ONECUT1: variants seen among roughly 807,000 people sequenced by gnomAD.
ONECUT1 encodes one cut homeobox 1, also known as hepatocyte nuclear factor 6.
ONECUT1 carries 12 observed loss-of-function variants against 25.6 expected under a neutral mutation model. The ratio of observed to expected loss-of-function variants is 0.47; its 90% CI spans 0.30 to 0.76. The LOEUF is 0.76. ONECUT1 is among the 30% of genes least tolerant of loss of function. ONECUT1 has a pLI of 0.07. For synonymous variants in ONECUT1, 285 were observed against 270.2 expected (o/e 1.05, Z -0.54); for missense variants, 620 against 651.2 (o/e 0.95, Z 0.52).
chr15:52,776,505 G>T (rs1056519498), intron 1 of ONECUT1, among the ~76,000 whole-genome samples: 2 of 152,090 alleles, frequency 1.3e-5, no homozygotes, highest in African/African-American at 4.8e-5. Flanking sequence ...AGTCCCTTGC[G>T]ACTTTTCCTC....
At chr15:52,770,319 A>G (rs1013404163) in intron 1 of ONECUT1, among the ~76,000 whole-genome samples, 1 of 152,230 alleles carries the variant, frequency 6.6e-6, no homozygotes, top group East Asian at 1.9e-4. Flanking sequence ...GATTTTTGAA[A>G]GCTCCCTCGG....
In ONECUT1 at chr15:52,788,590, T is replaced by A. The variant is rs1178068781; in HGVS notation, c.1105+190A>T. Reference sequence around the variant, plus strand: ...CGGAGCCTTCCACAGCCCAACACCCTGAGCCCTGGAGTAGGCAATTTGCTC... The same window carrying A: ...CGGAGCCTTCCACAGCCCAACACCCAGAGCCCTGGAGTAGGCAATTTGCTC... On this transcript the variant is annotated intron_variant, in intron 1 of 1. Transcript: ENST00000305901. The surrounding 1 kb of genome is among the most constrained non-coding windows in gnomAD (Gnocchi z 4.3). The A allele has an allele frequency of 2.4e-5, 15 of 614,430 alleles. No individual in the cohort carries two copies. Among genetic ancestry groups the A allele is most frequent in the East Asian group, 5.7e-5 (2 of 34,880 alleles). The allele number at this position is 614,430 out of a possible 1,614,324, so 38.1% of individuals were successfully genotyped here.
chr15:52,785,628 T>A (rs80151872), intron 1 of ONECUT1: 3 of 152,168 alleles, frequency 2.0e-5, no homozygotes, highest in African/African-American at 7.2e-5. Flanking sequence ...GAATCTTTAA[T>A]TGGAAACTAA....
rs142970256 is a variant in ONECUT1 at position 52,760,226 on chromosome 15, A to T, written c.1106-2379T>A. Among the ~76,000 whole-genome samples the T allele has an allele frequency of 2.5e-3, 385 of 152,242 alleles. 2 individuals are homozygous for T. Among genetic ancestry groups the T allele is most frequent in the South Asian group, 5.2e-3 (25 of 4,828 alleles). On this transcript the variant is annotated intron_variant, in intron 1 of 1. Coordinates refer to ENST00000305901, the MANE Select transcript of ONECUT1 (RefSeq NM_004498.4). ...AATGTCCAACTCCCTCAGAGCCTCG[A>T]GTTATAGACATCCTGAGCCAGGTGA...
Position 52,756,477 on chromosome 15 carries a change from T to A in ONECUT1, c.*1078A>T, listed in dbSNP as rs2083674631. Among the ~76,000 whole-genome samples the A allele has an allele frequency of 6.6e-6, 1 of 152,220 alleles. No homozygotes were observed. The highest frequency in any genetic ancestry group is 2.1e-4 in the South Asian group (1 of 4,828). ...CTCCCTGTTAAATTTAGTTTTCTAG[T>A]GTAAAAATGGGGTACTACTTTGGAA... On this transcript the variant is annotated 3_prime_UTR_variant, in exon 2 of 2. Transcript: ENST00000305901.
Position 52,790,038 on chromosome 15 carries a change from C to CGT in ONECUT1, c.-156_-155dup, listed in dbSNP as rs1168147996. 22 of 1,113,752 alleles carry CGT rather than the reference C, an allele frequency of 2.0e-5. No individual in the cohort carries two copies. The highest frequency in any genetic ancestry group is 4.8e-5 in the South Asian group (2 of 42,030). The allele number at this position is 1,113,752 out of a possible 1,614,324, so 69.0% of individuals were successfully genotyped here. ...CTCTGTCTCTCTCTCTCTCTCTCTC[C>CGT]GTGTGTGTGTGTCCGTGTGTGCGTG... On this transcript the variant is annotated 5_prime_UTR_variant, in exon 1 of 2. Transcript: ENST00000305901.
Position 52,757,690 on chromosome 15 carries a change from C to A in ONECUT1, c.1263G>T (p.Gln421His). The change falls in exon 2 of 2, where the codon CAG becomes CAT. Residue 421 changes from glutamine to histidine, a missense_variant. This residue lies in a region of ONECUT1 where 146 missense variants were observed against 201.8 expected (regional missense o/e 0.72). Transcript: ENST00000305901. ...SKELQITISQ[Q>H]LGLELSTVSN... ...TGACAGTGCTCAGCTCCAACCCCAGCTGCTGGGAAATGGTGATTTGCAATT... is the reference window on the plus strand; with the variant it reads ...TGACAGTGCTCAGCTCCAACCCCAGATGCTGGGAAATGGTGATTTGCAATT... 6.2e-7 allele frequency: 1 copy of A among 1,614,152 alleles called. No homozygotes were observed. Among genetic ancestry groups the A allele is most frequent in the Non-Finnish European group, 8.5e-7 (1 of 1,180,018 alleles).
rs1370694948 is a variant in ONECUT1, at chr15:52,777,731, C to CAAAAAAAAAAAAAAAAAAA, written c.1105+11048_1105+11049insTTTTTTTTTTTTTTTTTTT. Among the ~76,000 whole-genome samples the CAAAAAAAAAAAAAAAAAAA allele has an allele frequency of 1.7e-4, 14 of 84,200 alleles. 1 individual carries two copies. Among genetic ancestry groups the CAAAAAAAAAAAAAAAAAAA allele is most frequent in the African/African-American group, 1.1e-3 (14 of 12,290 alleles). The allele number at this position is 84,200 out of a possible 152,430, so 55.2% of individuals were successfully genotyped here. A position where few individuals can be genotyped will look rare whatever the true frequency, so the allele number is the denominator to read the frequency against. Reference sequence around the variant, plus strand: ...ACACACACACACACACACACACACACACACACAAAAAAACATGTAAAGTTA... The same window carrying CAAAAAAAAAAAAAAAAAAA: ...ACACACACACACACACACACACACACAAAAAAAAAAAAAAAAAAAACACACAAAAAAACATGTAAAGTTA... On this transcript the variant is annotated intron_variant, in intron 1 of 1. Coordinates refer to ENST00000305901, the MANE Select transcript of ONECUT1 (RefSeq NM_004498.4).
chr15:52,779,123 G>A (rs994027624), intron 1 of ONECUT1, among the ~76,000 whole-genome samples: 3 of 151,320 alleles, frequency 2.0e-5, no homozygotes, highest in East Asian at 1.9e-4. Flanking sequence ...TCTCGCTGTC[G>A]CCCAGGCTGG....
intron 1 of ONECUT1, among the ~76,000 whole-genome samples, chr15:52,763,662 C>A (rs1050914396): frequency 3.9e-5 from 6 of 152,182 alleles, no homozygotes; most frequent in Admixed American, 1.3e-4. Context: ...AGCTTACAGG[C>A]TCTCCCAAAC....
Position 52,789,281 on chromosome 15 carries a change from G to T in ONECUT1, c.604C>A (p.His202Asn). 6.5e-7 allele frequency: 1 copy of T among 1,550,276 alleles called. No individual in the cohort carries two copies. Among genetic ancestry groups the T allele is most frequent in the Non-Finnish European group, 8.7e-7 (1 of 1,147,848 alleles). The change falls in exon 1 of 2, where the codon CAC (histidine) becomes AAC (asparagine). Residue 202 changes from histidine to asparagine, a missense_variant. Physicochemically the swap from His to Asn is moderately conservative, Grantham distance 68. Coordinates refer to ENST00000305901, the MANE Select transcript of ONECUT1 (RefSeq NM_004498.4). The surrounding 1 kb of genome is among the most constrained non-coding windows in gnomAD (Gnocchi z 4.1). ...TCGGTGGGCATGGCGGCCCCCGGGT[G>T]GGCATAGTGGGGGAGCCCTTGCTGG... is the stretch of plus-strand genomic sequence containing the variant. ...NSQQGLPHYA[H>N]PGAAMPTDKM...
At chr15:52,758,915 A>G (rs1359079977) in intron 1 of ONECUT1, among the ~76,000 whole-genome samples, 5 of 152,018 alleles carry the variant, frequency 3.3e-5, no homozygotes, top group African/African-American at 4.8e-5. Context: ...TCCACCATCA[A>G]TCAATCCTCA....
chr15:52,776,321 C>T (rs1382143976), intron 1 of ONECUT1, among the ~76,000 whole-genome samples: 3 of 152,186 alleles, frequency 2.0e-5, no homozygotes, highest in Non-Finnish European at 4.4e-5. Context: ...AAAGGTATAT[C>T]CAAGCACCCA....
At chr15:52,760,379 C>T (rs1172880266) in intron 1 of ONECUT1, among the ~76,000 whole-genome samples, 1 of 152,210 alleles carries the variant, frequency 6.6e-6, no homozygotes, top group African/African-American at 2.4e-5. Flanking sequence ...GACACAGCCT[C>T]ATACAATACT....
At position 52,790,017 on chromosome 15, in the gene ONECUT1, GTCTCTCTC is replaced by G. The variant is rs112104300; in HGVS notation, c.-141_-134del. 5.0e-6 allele frequency: 6 copies of G among 1,202,810 alleles called. No homozygotes were observed. The highest frequency in any genetic ancestry group is 2.1e-5 in the South Asian group (1 of 47,818). 74.5% of individuals were successfully genotyped at this position (1,202,810 alleles called of 1,614,324 possible). ...TTCCTTCCTCTCACTGTGGGGCTCTGTCTCTCTCTCTCTCTCTCTCCGTGTGTGTGTGT... is the reference window on the plus strand; with the variant it reads ...TTCCTTCCTCTCACTGTGGGGCTCTGTCTCTCTCTCTCCGTGTGTGTGTGT... On this transcript the variant is annotated 5_prime_UTR_variant, in exon 1 of 2. Coordinates refer to ENST00000305901, the MANE Select transcript of ONECUT1 (RefSeq NM_004498.4).
Position 52,789,207 on chromosome 15 carries a change from G to A in ONECUT1, c.678C>T (p.Leu226=), listed in dbSNP as rs770838381. The A allele has an allele frequency of 1.9e-6, 3 of 1,565,160 alleles. No homozygotes were observed. The highest frequency in any genetic ancestry group is 1.2e-5 in the South Asian group (1 of 84,884). ...NGFEAHHPAM[L]GRHGEQHLTP... ...TGAGGTGCTGCTCCCCGTGGCGGCCGAGCATGGCCGGGTGGTGGGCTTCGA... is the reference window on the plus strand; with the variant it reads ...TGAGGTGCTGCTCCCCGTGGCGGCCAAGCATGGCCGGGTGGTGGGCTTCGA... The change falls in exon 1 of 2, where the codon CTC becomes CTT. Residue 226 remains leucine (L), a synonymous_variant. Coordinates refer to ENST00000305901, the MANE Select transcript of ONECUT1 (RefSeq NM_004498.4). The surrounding 1 kb of genome is among the most constrained non-coding windows in gnomAD (Gnocchi z 4.1).
intron 1 of ONECUT1, chr15:52,787,085 C>G (rs2083880581): frequency 6.6e-6 from 1 of 152,440 alleles, no homozygotes; most frequent in South Asian, 2.1e-4. Flanking sequence ...CAGTTGCTCG[C>G]GGGCAGCCCA....
chr15:52,785,924 C>T (rs991707802), intron 1 of ONECUT1: 2 of 152,226 alleles, frequency 1.3e-5, no homozygotes, highest in Non-Finnish European at 1.5e-5. Flanking sequence ...AACAGGCTGC[C>T]GGCAACTGGA....
chr15:52,757,809 C>G lies in ONECUT1; in HGVS notation c.1144G>C (p.Gly382Arg). ...RKEQEHGKDR[G>R]NTPKKPRLVF... ...AACCTGGGCTTTTTGGGTGTGTTGC[C>G]TCTATCCTTCCCATGTTCTTGTTCT... Residue 382 changes from glycine to arginine, a missense_variant, in exon 2 of 2, where the codon GGC becomes CGC. Gly to Arg is a moderately radical substitution (Grantham distance 125). Transcript: ENST00000305901. 3 of 1,614,086 alleles carry G rather than the reference C, an allele frequency of 1.9e-6. No homozygotes were observed. The highest frequency in any genetic ancestry group is 1.7e-6 in the Non-Finnish European group (2 of 1,179,982).
Sources: allele counts gnomAD v4.1 joint callset (sites outside exome capture counted in the v4.1 genomes callset), GRCh38; gene constraint gnomAD v4.1.1; regional missense constraint gnomAD v4.1.1; non-coding constraint Gnocchi (gnomAD v3.1); transcripts MANE v1.5; gene names NCBI Gene and HGNC (gene_info 2026-07-23, HGNC 2026-07-21).